The following TJP1 variants were observed in gnomAD, a reference collection of about 807,000 sequenced individuals.
TJP1 encodes the protein tight junction protein ZO-1.
TJP1 carries 43 observed loss-of-function variants against 194.2 expected under a neutral mutation model. The ratio of observed to expected loss-of-function variants is 0.22; its 90% CI spans 0.17 to 0.29. TJP1 has a LOEUF of 0.29. Among genes scored for constraint, TJP1 ranks in the 10% least tolerant of loss-of-function variants. The pLI is 1.00. For missense variants in TJP1, 1,971 were observed against 2,185.7 expected, an observed-to-expected ratio of 0.90 and a Z score of 1.96; for synonymous variants, 801 against 779.0, an observed-to-expected ratio of 1.03 and a Z score of -0.47.
chr15:29,895,508 C>T (rs79186161), intron 2 of TJP1, among the ~76,000 whole-genome samples: 3,474 of 152,174 alleles, frequency 0.023, 59 homozygotes, highest in Middle Eastern at 0.044. Context: ...TCCTCATTTC[C>T]GAGACCTCAT....
chr15:29,735,717 A>G (rs538654474), intron 11 of TJP1, among the ~76,000 whole-genome samples: 79 of 152,274 alleles, frequency 5.2e-4, no homozygotes, highest in African/African-American at 1.8e-3. Flanking sequence ...GTTATTATAC[A>G]TGTTGTATTT....
rs45590733 is a variant in TJP1, at chr15:29,781,279, C to T, written c.85-7922G>A. On this transcript the variant is annotated intron_variant, in intron 2 of 27. Transcript: ENST00000614355. ...CCTCCCAAGACTGAACCAGGAGAAA[C>T]TGAATCTCTGAACATACCAGTAACA... is the stretch of plus-strand genomic sequence containing the variant. Among the ~76,000 whole-genome samples the T allele has an allele frequency of 5.8e-3, 884 of 152,122 alleles. 8 individuals carry two copies. The highest frequency in any genetic ancestry group is 0.02 in the African/African-American group (851 of 41,526).
At chr15:29,924,510 C>A (rs1051906937) in intron 2 of TJP1, among the ~76,000 whole-genome samples, 2 of 152,168 alleles carry the variant, frequency 1.3e-5, no homozygotes, top group African/African-American at 2.4e-5. Context: ...ATAGAGTGTT[C>A]ATGATGTATA....
intron 1 of TJP1, among the ~76,000 whole-genome samples, chr15:29,813,622 T>C (rs1171099931): frequency 6.6e-6 from 1 of 152,184 alleles, no homozygotes; most frequent in Non-Finnish European, 1.5e-5. Flanking sequence ...GCTTTCAGAA[T>C]GCATAATTAG....
intron 5 of TJP1, among the ~76,000 whole-genome samples, chr15:29,765,575 A>C (rs1399342421): frequency 6.6e-6 from 1 of 152,128 alleles, no homozygotes; most frequent in Non-Finnish European, 1.5e-5. Context: ...TCCATTTAAA[A>C]AAAACAGTCT....
At chr15:29,918,587 A>T (rs911902129) in intron 2 of TJP1, among the ~76,000 whole-genome samples, 1 of 152,044 alleles carries the variant, frequency 6.6e-6, no homozygotes, top group Non-Finnish European at 1.5e-5. Flanking sequence ...ATTACAAAAA[A>T]ATTAGCCAGG....
At chr15:29,817,343 C>T (rs2049997675) in intron 1 of TJP1, among the ~76,000 whole-genome samples, 1 of 152,066 alleles carries the variant, frequency 6.6e-6, no homozygotes, top group Admixed American at 6.6e-5. Context: ...CAGATGCTGC[C>T]GAGGCTGTGG....
chr15:29,744,613 C>A (rs1351162631), intron 8 of TJP1, among the ~76,000 whole-genome samples: 1 of 152,094 alleles, frequency 6.6e-6, no homozygotes, highest in Non-Finnish European at 1.5e-5. Flanking sequence ...TTTACAGCTG[C>A]ATTCTCCCAA....
chr15:29,906,239 G>A (rs1200421155), intron 2 of TJP1, among the ~76,000 whole-genome samples: 10 of 152,184 alleles, frequency 6.6e-5, no homozygotes, highest in East Asian at 1.9e-4. Flanking sequence ...TTGGGAGGCC[G>A]AGGTGGGTGG....
At chr15:29,906,936 A>G (rs2053835045) in intron 2 of TJP1, among the ~76,000 whole-genome samples, 1 of 152,236 alleles carries the variant, frequency 6.6e-6, no homozygotes, top group South Asian at 2.1e-4. Context: ...TATTAACTGG[A>G]AAAAGCAGAA....
At chr15:29,882,754 T>C (rs996457030) in intron 2 of TJP1, among the ~76,000 whole-genome samples, 6 of 152,152 alleles carry the variant, frequency 3.9e-5, no homozygotes, top group African/African-American at 1.2e-4. Flanking sequence ...AGGTTATCAA[T>C]AAAGGTTTTT....
intron 2 of TJP1, among the ~76,000 whole-genome samples, chr15:29,885,598 A>G (rs2053089323): frequency 1.3e-5 from 2 of 152,206 alleles, no homozygotes; most frequent in African/African-American, 4.8e-5. Flanking sequence ...CTGATAAACA[A>G]CCAGCTTTTC....
At chr15:29,804,661 A>C (rs2049004895) in intron 1 of TJP1, among the ~76,000 whole-genome samples, 1 of 152,076 alleles carries the variant, frequency 6.6e-6, no homozygotes, top group Non-Finnish European at 1.5e-5. Flanking sequence ...AATTATTTTT[A>C]AAACTTAATA....
At chr15:29,800,089 G>C (rs2048684995) in intron 2 of TJP1, among the ~76,000 whole-genome samples, 1 of 152,136 alleles carries the variant, frequency 6.6e-6, no homozygotes, top group Non-Finnish European at 1.5e-5. Context: ...CATTTCTAAA[G>C]CAAGAGAAAG....
chr15:29,757,400 AACAAAAAGACAC>A (rs2045711351), intron 8 of TJP1, among the ~76,000 whole-genome samples: 1 of 152,182 alleles, frequency 6.6e-6, no homozygotes, highest in Non-Finnish European at 1.5e-5. Flanking sequence ...CAATTTGTAA[AACAAAAAGACAC>A]TTATACAGCC....
chr15:29,813,816 T>C (rs1847702073), intron 1 of TJP1, among the ~76,000 whole-genome samples: 1 of 152,228 alleles, frequency 6.6e-6, no homozygotes, highest in Non-Finnish European at 1.5e-5. Flanking sequence ...AGTACAGAGA[T>C]GTGTTCACTG....
At chr15:29,795,429 AAAG>A (rs2048344162) in intron 2 of TJP1, among the ~76,000 whole-genome samples, 1 of 151,752 alleles carries the variant, frequency 6.6e-6, no homozygotes, top group Non-Finnish European at 1.5e-5. Context: ...AAAAAAAAAA[AAAG>A]ACTACCAAAA....
Position 29,708,992 on chromosome 15 carries a change from G to T in TJP1, c.4417C>A (p.Pro1473Thr). 3.1e-6 allele frequency: 5 copies of T among 1,613,914 alleles called. No homozygotes were observed. Among genetic ancestry groups the T allele is most frequent in the Non-Finnish European group, 4.2e-6 (5 of 1,179,940 alleles). The stretch of plus-strand genomic sequence containing the variant: ...TTATTCTGAGATGGAGGTGGGTCTG[G>T]TTTGGACACTAAGGAATTCTGAAAA... ...LDFQNSLVSK[P>T]DPPPSQNKPA... is the part of the protein sequence containing the mutation. Residue 1473 changes from proline (P) to threonine (T), a missense_variant, in exon 25 of 28, where the codon CCA (proline) becomes ACA (threonine). By Grantham distance (38) the Pro-to-Thr change is conservative. This residue lies in a region of TJP1 where 1,108 missense variants were observed against 1,128.5 expected (regional missense o/e 0.98). Coordinates refer to ENST00000614355, the MANE Select transcript of TJP1 (RefSeq NM_001330239.4).
intron 2 of TJP1, among the ~76,000 whole-genome samples, chr15:29,868,829 GAA>G (rs934983337): frequency 2.3e-4 from 35 of 152,264 alleles, no homozygotes; most frequent in African/African-American, 8.2e-4. Context: ...GGCAAAATCT[GAA>G]AAGAGTAATA....
Sources: gnomAD v4.1 joint callset for allele counts (sites outside exome capture counted in the v4.1 genomes callset) on GRCh38, gnomAD v4.1.1 for gene constraint, gnomAD v4.1.1 regional missense constraint, MANE v1.5 for transcripts, NCBI Gene and HGNC (gene_info 2026-07-23, HGNC 2026-07-21) for gene names.